YY1: variants seen among roughly 807,000 people sequenced by gnomAD.
The protein encoded by YY1 is YY1 transcription factor.
Under a neutral mutation model 35.6 loss-of-function variants are expected in YY1, and 2 were observed. The observed-to-expected ratio is 0.06, with a 90% CI of 0.02 to 0.18. YY1 has a LOEUF of 0.18. YY1 is among the 10% of genes least tolerant of loss of function. The pLI, the probability that YY1 is intolerant of heterozygous loss-of-function variation, is 1.00. For missense variants in YY1, 322 were observed against 573.4 expected (o/e 0.56, Z 4.48); for synonymous variants, 268 against 238.9 (o/e 1.12, Z -1.12).
intron 1 of YY1, among the ~76,000 whole-genome samples, chr14:100,240,175 G>A (rs934790341): frequency 6.9e-6 from 1 of 145,796 alleles, no homozygotes; most frequent in African/African-American, 2.5e-5. Flanking sequence ...CTCCGAGAGG[G>A]GGAAGCGCCG....
intron 1 of YY1, among the ~76,000 whole-genome samples, chr14:100,252,684 G>A (rs1890941212): frequency 6.6e-6 from 1 of 152,116 alleles, no homozygotes; most frequent in South Asian, 2.1e-4. Context: ...GCTTTAATTG[G>A]CCTTGCCCAC....
In YY1 at chr14:100,276,564, C is replaced by G; in HGVS notation, c.978C>G (p.Val326=). Residue 326 remains valine (V), a synonymous_variant, in exon 4 of 5, where the codon GTC becomes GTG. Coordinates refer to ENST00000262238, the MANE Select transcript of YY1 (RefSeq NM_003403.5). This position sits in a 1 kb window ranked among gnomAD's most constrained non-coding sequence, Gnocchi z 4.1. ...HLHTHGPRVH[V]CAECGKAFVE... ...ACACCCACGGTCCCAGAGTCCACGT[C>G]TGTGCAGAATGTGGCAAAGCTTTTG... is the stretch of plus-strand genomic sequence containing the variant. 6.2e-7 allele frequency: 1 copy of G among 1,614,164 alleles called. No homozygotes were observed.
chr14:100,262,315 G>C lies in YY1; in HGVS notation c.691G>C (p.Asp231His), dbSNP rs1339909362. 2.5e-6 allele frequency: 4 copies of C among 1,613,782 alleles called. No homozygotes were observed. The highest frequency in any genetic ancestry group is 3.4e-6 in the Non-Finnish European group (4 of 1,179,986). Residue 231 changes from aspartate to histidine, a missense_variant, in exon 2 of 5, where the codon GAT becomes CAT. Asp to His is a moderately conservative substitution (Grantham distance 81). This residue lies in a region of YY1 where 152 missense variants were observed against 167.1 expected (regional missense o/e 0.91). Transcript: ENST00000262238. ...ATGATGTGTTTCAGATGAAAAAAAA[G>C]ATATTGACCATGAGACAGTGGTTGA... ...VTMWSSDEKK[D>H]IDHETVVEEQ...
chr14:100,245,431 A>C (rs1890817744), intron 1 of YY1, among the ~76,000 whole-genome samples: 3 of 152,168 alleles, frequency 2.0e-5, no homozygotes, highest in Non-Finnish European at 1.5e-5. Flanking sequence ...ACAGACACCC[A>C]GCTTCAACTA....
rs1340301120 is a variant in YY1, at chr14:100,278,139, A to C, written c.*539A>C. 6.4e-6 allele frequency: 1 copy of C among 155,730 alleles called. No homozygotes were observed. The highest frequency in any genetic ancestry group is 1.4e-5 in the Non-Finnish European group (1 of 70,078). 9.6% of individuals were successfully genotyped at this position (155,730 alleles called of 1,614,324 possible). On this transcript the variant is annotated 3_prime_UTR_variant, in exon 5 of 5. Transcript: ENST00000262238. ...CTTCAAAAGTATTTTCCTGTAAAAA[A>C]AAAAAAGTTATATAGGTTTTGTTTG...
chr14:100,260,771 C>CTTTTTTTTTT lies in YY1; in HGVS notation c.680-1503_680-1494dup, dbSNP rs71113254. Among the ~76,000 whole-genome samples, 10 of 42,568 alleles carry CTTTTTTTTTT rather than the reference C, an allele frequency of 2.3e-4. 2 individuals are homozygous for CTTTTTTTTTT. Among genetic ancestry groups the CTTTTTTTTTT allele is most frequent in the East Asian group, 7.2e-4 (1 of 1,382 alleles). 27.9% of individuals were successfully genotyped at this position (42,568 alleles called of 152,430 possible). On this transcript the variant is annotated intron_variant, in intron 1 of 4. Coordinates refer to ENST00000262238, the MANE Select transcript of YY1 (RefSeq NM_003403.5). Reference sequence around the variant, plus strand: ...CAGGTGTGAGCCACCGTGCCTGGTCCTTTTTTTTTTTTTTTTTTTTTTTTT... The same window carrying CTTTTTTTTTT: ...CAGGTGTGAGCCACCGTGCCTGGTCCTTTTTTTTTTTTTTTTTTTTTTTTTTTTTTTTTTT...
intron 1 of YY1, among the ~76,000 whole-genome samples, chr14:100,240,277 C>T (rs1212989939): frequency 2.7e-5 from 4 of 146,256 alleles, no homozygotes; most frequent in African/African-American, 7.3e-5. Context: ...CGCCCGCCGG[C>T]CCGTTGTGGC....
chr14:100,274,865 A>G, intron 3 of YY1, 107 bp downstream of exon 3: 1 of 1,120,198 alleles, frequency 8.9e-7, no homozygotes, highest in Non-Finnish European at 1.3e-6. Flanking sequence ...AAATGAAGCA[A>G]GGAATTAGAA....
At chr14:100,246,183 C>CGA (rs1555369262) in intron 1 of YY1, among the ~76,000 whole-genome samples, 1 of 152,166 alleles carries the variant, frequency 6.6e-6, no homozygotes, top group Non-Finnish European at 1.5e-5. Flanking sequence ...TCCATGGTCA[C>CGA]CCCCACCCCG....
At position 100,243,063 on chromosome 14, in the gene YY1, T is replaced by C. The variant is rs573337917; in HGVS notation, c.679+3140T>C. On this transcript the variant is annotated intron_variant, in intron 1 of 4. Transcript: ENST00000262238. ...TGTGGTAAACTATCCCCCTTACTTT[T>C]CCTTGTGATTTGGAATTATTACTAA... 2.6e-5 allele frequency among the ~76,000 whole-genome samples: 4 copies of C among 152,368 alleles called. No individual in the cohort carries two copies. In the East Asian group the frequency reaches 7.7e-4, roughly 29 times the overall value.
At chr14:100,252,463 GT>G (rs1009195602) in intron 1 of YY1, among the ~76,000 whole-genome samples, 2 of 152,272 alleles carry the variant, frequency 1.3e-5, no homozygotes, top group Admixed American at 6.5e-5. Context: ...GCTAGATTTT[GT>G]TTTTCCACAC....
At chr14:100,250,070 G>A (rs1431706323) in intron 1 of YY1, among the ~76,000 whole-genome samples, 1 of 152,188 alleles carries the variant, frequency 6.6e-6, no homozygotes, top group Non-Finnish European at 1.5e-5. Flanking sequence ...ACTGCACCCG[G>A]CCTACTTACT....
chr14:100,262,005 C>T (rs1891092077), intron 1 of YY1, among the ~76,000 whole-genome samples: 1 of 152,068 alleles, frequency 6.6e-6, no homozygotes, highest in Admixed American at 6.6e-5. Context: ...AAATAATTAG[C>T]TGGGTGTGGT....
intron 2 of YY1, among the ~76,000 whole-genome samples, chr14:100,268,398 A>G (rs1316179439): frequency 2.0e-5 from 3 of 152,204 alleles, no homozygotes; most frequent in Non-Finnish European, 2.9e-5. Context: ...TGTTCAGTAA[A>G]CATTTTGAAA....
intron 1 of YY1, among the ~76,000 whole-genome samples, chr14:100,255,451 T>C (rs1244772456): frequency 6.6e-6 from 1 of 151,896 alleles, no homozygotes; most frequent in Non-Finnish European, 1.5e-5. Context: ...AAACCCCATC[T>C]CTGCTAAAAA....
At chr14:100,250,450 A>G (rs1890907488) in intron 1 of YY1, among the ~76,000 whole-genome samples, 1 of 152,162 alleles carries the variant, frequency 6.6e-6, no homozygotes, top group African/African-American at 2.4e-5. Flanking sequence ...ATACATGCAT[A>G]CATACATAGG....
chr14:100,252,124 C>A (rs1032843078), intron 1 of YY1, among the ~76,000 whole-genome samples: 2 of 152,146 alleles, frequency 1.3e-5, no homozygotes, highest in African/African-American at 4.8e-5. Context: ...AACCACTTTG[C>A]TTGGAGCGTG....
chr14:100,259,632 A>G (rs1424523067), intron 1 of YY1, among the ~76,000 whole-genome samples: 1 of 152,242 alleles, frequency 6.6e-6, no homozygotes, highest in Non-Finnish European at 1.5e-5. Flanking sequence ...AACTGATAAA[A>G]TGAACATGCC....
chr14:100,246,800 A>G (rs558395108), intron 1 of YY1, among the ~76,000 whole-genome samples: 3 of 152,290 alleles, frequency 2.0e-5, no homozygotes, highest in African/African-American at 4.8e-5. Flanking sequence ...TATCACTAAG[A>G]TGCTATAAAC....
Sources: allele counts gnomAD v4.1 joint callset (sites outside exome capture counted in the v4.1 genomes callset), GRCh38; gene constraint gnomAD v4.1.1; regional missense constraint gnomAD v4.1.1; non-coding constraint Gnocchi (gnomAD v3.1); transcripts MANE v1.5; gene names NCBI Gene and HGNC (gene_info 2026-07-23, HGNC 2026-07-21).